RAB27B: variants seen among roughly 807,000 people sequenced by gnomAD.
RAB27B encodes the protein RAB27B, member RAS oncogene family.
A neutral mutation model predicts 24.6 loss-of-function variants in RAB27B; 15 were observed. That is an observed-to-expected ratio of 0.61 (90% CI 0.41 to 0.94). RAB27B has a LOEUF of 0.94. Among genes scored for constraint, RAB27B ranks in the 40% least tolerant of loss-of-function variants. The pLI, the probability that RAB27B is intolerant of heterozygous loss-of-function variation, is 0.00. For missense variants in RAB27B, 261 were observed against 266.8 expected, an observed-to-expected ratio of 0.98 and a Z score of 0.15; for synonymous variants, 105 against 92.5, an observed-to-expected ratio of 1.14 and a Z score of -0.78.
At position 54,770,999 on chromosome 18, in the gene RAB27B, T is replaced by A. The variant is rs188814767; in HGVS notation, c.-20+52858T>A. On this transcript the variant is annotated intron_variant, in intron 2 of 4. Coordinates refer to the RAB27B transcript ENST00000586570. The stretch of plus-strand genomic sequence containing the variant: ...GTCCCTTTCTTGTTAAACTGGAGGG[T>A]CTTCAGGAGTGGCTAGACATGAACA... Among the ~76,000 whole-genome samples, 528 of 152,268 alleles carry A rather than the reference T, an allele frequency of 3.5e-3. 3 individuals carry two copies. The highest frequency in any genetic ancestry group is 5.4e-3 in the Non-Finnish European group (364 of 68,012).
In RAB27B at chr18:54,721,548, A is replaced by G. The variant is rs147395655; in HGVS notation, c.-20+3407A>G. ...TTTGAATTATTTTTCATTAATATGT[A>G]TTAATGATCTCTTGCTGTATTGCAA... is the stretch of plus-strand genomic sequence containing the variant. On this transcript the variant is annotated intron_variant, in intron 2 of 4. Transcript: ENST00000586570. Among the ~76,000 whole-genome samples, 716 of 152,322 alleles carry G rather than the reference A, an allele frequency of 4.7e-3. 5 individuals carry two copies. The highest frequency in any genetic ancestry group is 0.016 in the African/African-American group (670 of 41,570).
intron 2 of RAB27B, 69 bp downstream of exon 2, chr18:54,877,807 T>G (rs1436734057): frequency 1.2e-5 from 17 of 1,447,534 alleles, no homozygotes; most frequent in Non-Finnish European, 1.5e-5. Flanking sequence ...CAAGAAGCTA[T>G]GTTTATTGCA....
intron 2 of RAB27B, among the ~76,000 whole-genome samples, chr18:54,795,783 T>C (rs1159163074): frequency 6.6e-6 from 1 of 152,172 alleles, no homozygotes; most frequent in Non-Finnish European, 1.5e-5. Context: ...ATGTATGCAT[T>C]GTATTACAGA....
intron 2 of RAB27B, among the ~76,000 whole-genome samples, chr18:54,778,460 A>G (rs1908785144): frequency 6.6e-6 from 1 of 152,230 alleles, no homozygotes; most frequent in South Asian, 2.1e-4. Context: ...AAGGGAGATA[A>G]CAATACCTGC....
chr18:54,851,582 C>T (rs1223943978), intron 1 of RAB27B, among the ~76,000 whole-genome samples: 6 of 152,178 alleles, frequency 3.9e-5, no homozygotes, highest in Non-Finnish European at 7.3e-5. Flanking sequence ...GGTGTTTCAT[C>T]TGAAATTCAA....
At position 54,889,232 on chromosome 18, in the gene RAB27B, A is replaced by G. The variant is rs1913266535; in HGVS notation, c.476A>G (p.Tyr159Cys). 1.2e-6 allele frequency: 2 copies of G among 1,607,340 alleles called. No individual in the cohort carries two copies. Among genetic ancestry groups the G allele is most frequent in the African/African-American group, 1.3e-5 (1 of 74,468 alleles). The change falls in exon 6 of 6, where the codon TAT becomes TGT. Residue 159 changes from tyrosine to cysteine, a missense_variant. Tyr to Cys is a radical substitution (Grantham distance 194). Transcript: ENST00000262094. ...CATCCTTTCTATGCTAGCATACCAT[A>G]TTTTGAAACAAGTGCAGCAACTGGA... The part of the protein sequence containing the change: ...RELADKYGIP[Y>C]FETSAATGQN...
chr18:54,863,583 C>A lies in RAB27B; in HGVS notation c.-19-13984C>A, dbSNP rs577171538. On this transcript the variant is annotated intron_variant, in intron 1 of 5. Coordinates refer to ENST00000262094, the MANE Select transcript of RAB27B (RefSeq NM_004163.4). Reference sequence around the variant, plus strand: ...CAGTTCAGTGTTTTTTTAGAATATGCACAAAGTTGTGCCACCATTACTATT... The same window carrying A: ...CAGTTCAGTGTTTTTTTAGAATATGAACAAAGTTGTGCCACCATTACTATT... Among the ~76,000 whole-genome samples the A allele has an allele frequency of 1.1e-4, 17 of 152,176 alleles. No individual in the cohort carries two copies. In the South Asian group the frequency reaches 3.1e-3, roughly 28 times the overall value.
At chr18:54,791,311 T>G (rs1263928290) in intron 2 of RAB27B, among the ~76,000 whole-genome samples, 1 of 152,222 alleles carries the variant, frequency 6.6e-6, no homozygotes, top group East Asian at 1.9e-4. Flanking sequence ...CGGTGGCTTA[T>G]GCCTGTAATC....
intron 2 of RAB27B, among the ~76,000 whole-genome samples, chr18:54,725,181 C>G (rs1341226924): frequency 1.3e-5 from 2 of 151,482 alleles, no homozygotes; most frequent in African/African-American, 4.8e-5. Context: ...GTGATCTATA[C>G]TTTAAAAGAA....
intron 2 of RAB27B, among the ~76,000 whole-genome samples, chr18:54,772,128 G>A (rs1045148056): frequency 8.5e-5 from 13 of 152,178 alleles, no homozygotes; most frequent in South Asian, 8.3e-4. Context: ...AATGTGTCTC[G>A]TCACCTCTAG....
At chr18:54,822,996 A>C (rs1322066016) in intron 2 of RAB27B, among the ~76,000 whole-genome samples, 1 of 152,250 alleles carries the variant, frequency 6.6e-6, no homozygotes, top group African/African-American at 2.4e-5. Flanking sequence ...TCTAAGAAAC[A>C]GGCAACATGA....
chr18:54,805,639 A>G (rs933334989), intron 2 of RAB27B, among the ~76,000 whole-genome samples: 1 of 152,190 alleles, frequency 6.6e-6, no homozygotes, highest in African/African-American at 2.4e-5. Context: ...AGCATAGGTA[A>G]TTTGTGAGTT....
chr18:54,814,874 T>A (rs928594893), intron 2 of RAB27B, among the ~76,000 whole-genome samples: 3 of 152,220 alleles, frequency 2.0e-5, no homozygotes, highest in Non-Finnish European at 2.9e-5. Flanking sequence ...TACGTTTAAG[T>A]GTCTGTGAAC....
intron 2 of RAB27B, among the ~76,000 whole-genome samples, chr18:54,799,596 A>G (rs1390053932): frequency 1.3e-5 from 2 of 150,726 alleles, no homozygotes; most frequent in Non-Finnish European, 2.9e-5. Context: ...GAAAAATATC[A>G]GAATATATAA....
chr18:54,878,726 C>G (rs989040835), intron 2 of RAB27B, among the ~76,000 whole-genome samples: 1 of 147,044 alleles, frequency 6.8e-6, no homozygotes, highest in African/African-American at 2.5e-5. Context: ...ATCTTTTAGG[C>G]TTTGCTTAAA....
rs370723869 is a variant in RAB27B at position 54,854,492 on chromosome 18, G to T, written c.-19-23075G>T. On this transcript the variant is annotated intron_variant, in intron 1 of 5. Transcript: ENST00000262094. ...CAGCTACTCTGCAAATCAATGAAAG[G>T]CTTAGTTTAGGTGGTTGTGGGAGTA... Among the ~76,000 whole-genome samples the T allele has an allele frequency of 5.9e-4, 90 of 152,216 alleles. No homozygotes were observed. In the East Asian group the frequency reaches 9.8e-3, roughly 17 times the overall value.
At chr18:54,778,921 A>G (rs947203901) in intron 2 of RAB27B, among the ~76,000 whole-genome samples, 1 of 151,474 alleles carries the variant, frequency 6.6e-6, no homozygotes. Context: ...GCTCACTGCA[A>G]TTTGCACCCC....
chr18:54,813,860 A>G (rs1036225421), intron 2 of RAB27B, among the ~76,000 whole-genome samples: 1 of 152,218 alleles, frequency 6.6e-6, no homozygotes, highest in Non-Finnish European at 1.5e-5. Context: ...AAAGAAGATA[A>G]AGTAACTTAT....
intron 1 of RAB27B, among the ~76,000 whole-genome samples, chr18:54,874,818 GA>G (rs1912626979): frequency 6.6e-6 from 1 of 152,128 alleles, no homozygotes; most frequent in African/African-American, 2.4e-5. Flanking sequence ...TTCTACTAGT[GA>G]AATGACAAAC....
Sources: allele counts gnomAD v4.1 joint callset (sites outside exome capture counted in the v4.1 genomes callset), GRCh38; gene constraint gnomAD v4.1.1; transcripts MANE v1.5; gene names NCBI Gene and HGNC (gene_info 2026-07-23, HGNC 2026-07-21).